Variants in BCAS3 observed in about 807,000 individuals in gnomAD.
BCAS3 encodes the protein BCAS3 microtubule associated cell migration factor.
In BCAS3, 53 loss-of-function variants were observed where a neutral mutation model predicts 116.1. The ratio of observed to expected loss-of-function variants is 0.46; its 90% CI spans 0.37 to 0.57. BCAS3 has a LOEUF of 0.57. Among genes scored for constraint, BCAS3 ranks in the 20% least tolerant of loss-of-function variants. BCAS3 has a pLI of 0.00. For synonymous variants in BCAS3, 391 were observed against 408.2 expected (o/e 0.96, Z 0.51); for missense variants, 917 against 1,165.4 (o/e 0.79, Z 3.10).
At chr17:61,293,275 G>T (rs182098059) in intron 22 of BCAS3, among the ~76,000 whole-genome samples, 32 of 152,210 alleles carry the variant, frequency 2.1e-4, no homozygotes. Context: ...CTTTAGAAGG[G>T]ATATTAGAAA....
At chr17:61,099,940 G>T (rs1034395726) in intron 22 of BCAS3, among the ~76,000 whole-genome samples, 2 of 152,238 alleles carry the variant, frequency 1.3e-5, no homozygotes, top group African/African-American at 4.8e-5. Flanking sequence ...CAAAATTTTA[G>T]TGGTGTCATT....
In BCAS3 at chr17:61,251,556, G is replaced by A. The variant is rs1294896926; in HGVS notation, c.2426-116771G>A. 1.5e-5 allele frequency among the ~76,000 whole-genome samples: 2 copies of A among 129,802 alleles called. No individual in the cohort carries two copies. The highest frequency in any genetic ancestry group is 4.5e-4 in the East Asian group (2 of 4,444). 85.2% of individuals were successfully genotyped at this position (129,802 alleles called of 152,430 possible). On this transcript the variant is annotated intron_variant, in intron 22 of 23. Transcript: ENST00000407086. This position sits in a 1 kb window ranked among gnomAD's most constrained non-coding sequence, Gnocchi z 4.7. Reference sequence around the variant, plus strand: ...TTCCACTCCAGCCTGGGCAACAAGAGCGAAACTCCACCTCAAAAAAAAAAA... The same window carrying A: ...TTCCACTCCAGCCTGGGCAACAAGAACGAAACTCCACCTCAAAAAAAAAAA...
intron 3 of BCAS3, among the ~76,000 whole-genome samples, chr17:60,686,972 C>T (rs2143832271): frequency 6.6e-6 from 1 of 152,076 alleles, no homozygotes; most frequent in South Asian, 2.1e-4. Context: ...TATCATGGTC[C>T]CTATAGAATA....
rs1460375462 is a variant in BCAS3, at chr17:61,339,814, AGACT to A, written c.2426-28511_2426-28508del. On this transcript the variant is annotated intron_variant, in intron 22 of 23. Coordinates refer to ENST00000407086, the MANE Select transcript of BCAS3 (RefSeq NM_017679.5). The surrounding 1 kb of genome is among the most constrained non-coding windows in gnomAD (Gnocchi z 4.4). ...AGATGAGTGGAAGAGCCAGTAAAAGAGACTGCAAAGTAGCGGCCGGAAAGATGGG... is the reference window on the plus strand; with the variant it reads ...AGATGAGTGGAAGAGCCAGTAAAAGAGCAAAGTAGCGGCCGGAAAGATGGG... 6.6e-6 allele frequency among the ~76,000 whole-genome samples: 1 copy of A among 151,598 alleles called. No individual in the cohort carries two copies. Among genetic ancestry groups the A allele is most frequent in the Non-Finnish European group, 1.5e-5 (1 of 67,936 alleles).
At chr17:61,328,160 A>T (rs1009971460) in intron 22 of BCAS3, among the ~76,000 whole-genome samples, 1 of 136,258 alleles carries the variant, frequency 7.3e-6, no homozygotes, top group African/African-American at 3.2e-5. Flanking sequence ...CTATAGCTTT[A>T]AAAAAAAAAC....
intron 6 of BCAS3, among the ~76,000 whole-genome samples, chr17:60,783,981 G>C (rs1453791632): frequency 6.6e-6 from 1 of 152,172 alleles, no homozygotes; most frequent in Non-Finnish European, 1.5e-5. Context: ...TAAATGAGAT[G>C]TGGCTGGCCA....
At chr17:60,850,321 C>G (rs1599145633) in intron 7 of BCAS3, among the ~76,000 whole-genome samples, 1 of 150,294 alleles carries the variant, frequency 6.7e-6, no homozygotes, top group Admixed American at 6.6e-5. Context: ...CCTTTTTTCC[C>G]TCCCCCTAAC....
chr17:61,381,684 T>G lies in BCAS3; in HGVS notation c.2594-10293T>G, dbSNP rs541648119. ...CTCTTCCTGTTTAGAGCCAGGTCAG[T>G]GACATTGGGATTGGTTGGTTCACAC... On this transcript the variant is annotated intron_variant, in intron 23 of 23. Transcript: ENST00000407086. This position sits in a 1 kb window ranked among gnomAD's most constrained non-coding sequence, Gnocchi z 6.0. 6.6e-6 allele frequency among the ~76,000 whole-genome samples: 1 copy of G among 152,240 alleles called. No homozygotes were observed. The highest frequency in any genetic ancestry group is 1.9e-4 in the East Asian group (1 of 5,168).
At chr17:61,341,808 T>G (rs962835841) in intron 22 of BCAS3, among the ~76,000 whole-genome samples, 1 of 152,232 alleles carries the variant, frequency 6.6e-6, no homozygotes, top group Admixed American at 6.5e-5. Context: ...ATACCCAAAA[T>G]ATCTTAAAGT....
chr17:60,726,876 T>C (rs182310429), intron 5 of BCAS3, among the ~76,000 whole-genome samples: 96 of 152,268 alleles, frequency 6.3e-4, no homozygotes, highest in African/African-American at 2.3e-3. Context: ...AAAATTGTTA[T>C]AACTGGAATA....
chr17:60,825,951 A>G (rs573740105), intron 7 of BCAS3, among the ~76,000 whole-genome samples: 49 of 145,324 alleles, frequency 3.4e-4, no homozygotes, highest in African/African-American at 1.2e-3. Flanking sequence ...TCCGCCTCCC[A>G]GGTTCAAGCA....
At chr17:60,921,647 A>G (rs2059107792) in intron 12 of BCAS3, among the ~76,000 whole-genome samples, 2 of 151,170 alleles carry the variant, frequency 1.3e-5, no homozygotes, top group Non-Finnish European at 2.9e-5. Flanking sequence ...CATTGACCAC[A>G]CATGGACATA....
rs2067524215 is a variant in BCAS3, at chr17:61,041,729, C to T, written c.2029+837C>T. Reference sequence around the variant, plus strand: ...GATTTTATTTTATCTTTATAATGTGCTATATATTATACTGGAAACAGAAAT... The same window carrying T: ...GATTTTATTTTATCTTTATAATGTGTTATATATTATACTGGAAACAGAAAT... On this transcript the variant is annotated intron_variant, in intron 19 of 23. Coordinates refer to ENST00000407086, the MANE Select transcript of BCAS3 (RefSeq NM_017679.5). This position sits in a 1 kb window ranked among gnomAD's most constrained non-coding sequence, Gnocchi z 4.7. 6.6e-6 allele frequency among the ~76,000 whole-genome samples: 1 copy of T among 151,942 alleles called. No individual in the cohort carries two copies. Among genetic ancestry groups the T allele is most frequent in the Non-Finnish European group, 1.5e-5 (1 of 67,958 alleles).
rs544020029 is a variant in BCAS3 at position 61,337,611 on chromosome 17, G to A, written c.2426-30716G>A. 1.3e-4 allele frequency among the ~76,000 whole-genome samples: 20 copies of A among 152,254 alleles called. No individual in the cohort carries two copies. The highest frequency in any genetic ancestry group is 3.9e-4 in the African/African-American group (16 of 41,554). On this transcript the variant is annotated intron_variant, in intron 22 of 23. Coordinates refer to ENST00000407086, the MANE Select transcript of BCAS3 (RefSeq NM_017679.5). The surrounding 1 kb of genome is among the most constrained non-coding windows in gnomAD (Gnocchi z 4.8). ...ACAGCCTCTGCGTCTGTTACTCTCC[G>A]AAGAAAATTACAGTTTCTAGTACAC...
At chr17:61,089,555 A>AGTCTC (rs2073370499) in intron 22 of BCAS3, among the ~76,000 whole-genome samples, 1 of 84,260 alleles carries the variant, frequency 1.2e-5, no homozygotes, top group African/African-American at 4.9e-5. Flanking sequence ...TTTGAGACGG[A>AGTCTC]GTCTCGCTGT....
At chr17:60,804,970 G>GTT (rs1255806634) in intron 6 of BCAS3, among the ~76,000 whole-genome samples, 6 of 141,740 alleles carry the variant, frequency 4.2e-5, no homozygotes, top group Non-Finnish European at 7.7e-5. Context: ...TGAGTGTCGG[G>GTT]TTTTTTTTTT....
At chr17:60,827,713 C>G (rs776820129) in intron 7 of BCAS3, among the ~76,000 whole-genome samples, 4 of 151,352 alleles carry the variant, frequency 2.6e-5, no homozygotes, top group Non-Finnish European at 1.5e-5. Context: ...ATAGTTTTCT[C>G]ATGTTTCTTT....
At chr17:61,187,428 A>C (rs2079845466) in intron 22 of BCAS3, among the ~76,000 whole-genome samples, 1 of 152,238 alleles carries the variant, frequency 6.6e-6, no homozygotes, top group Admixed American at 6.5e-5. Context: ...GATGACCAAC[A>C]GAGTTACCCA....
chr17:60,911,684 C>T (rs2058523542), intron 12 of BCAS3, among the ~76,000 whole-genome samples: 1 of 152,186 alleles, frequency 6.6e-6, no homozygotes, highest in African/African-American at 2.4e-5. Context: ...ATATGCCCGT[C>T]TCGGCCTCCC....
Sources: gnomAD v4.1 joint callset for allele counts (sites outside exome capture counted in the v4.1 genomes callset) on GRCh38, gnomAD v4.1.1 for gene constraint, Gnocchi (gnomAD v3.1) non-coding constraint, MANE v1.5 for transcripts, NCBI Gene and HGNC (gene_info 2026-07-23, HGNC 2026-07-21) for gene names.